The following RPSA2 variants were observed in gnomAD, a reference collection of about 807,000 sequenced individuals.
RPSA2 encodes small ribosomal subunit protein uS2B.
At chr19:23,842,157 A>G in the RPSA2 span, among the ~76,000 whole-genome samples, 27 of 152,278 alleles carry the variant, frequency 1.8e-4, no homozygotes, top group African/African-American at 6.5e-4. Flanking sequence ...TTTTAACAAA[A>G]TCTCCAGGTT....
chr19:23,813,937 G>T, the RPSA2 span, among the ~76,000 whole-genome samples: 2 of 151,776 alleles, frequency 1.3e-5, no homozygotes, highest in African/African-American at 4.8e-5. Context: ...TAGTCAATCT[G>T]GTCTGGAACT....
At chr19:23,770,633 AT>A in the RPSA2 span, among the ~76,000 whole-genome samples, 1 of 152,116 alleles carries the variant, frequency 6.6e-6, no homozygotes, top group African/African-American at 2.4e-5. Flanking sequence ...CACTGGGAAG[AT>A]TGTGACGAAT....
the RPSA2 span, among the ~76,000 whole-genome samples, chr19:23,847,814 C>T: frequency 1.3e-5 from 2 of 152,102 alleles, no homozygotes; most frequent in Non-Finnish European, 2.9e-5. Context: ...GACCTCCCCC[C>T]AGGAATGCAA....
At chr19:23,795,758 A>T in the RPSA2 span, among the ~76,000 whole-genome samples, 1 of 152,222 alleles carries the variant, frequency 6.6e-6, no homozygotes, top group East Asian at 1.9e-4. Flanking sequence ...ATTTTTGAGG[A>T]TGAATGCTTC....
chr19:23,865,731 A>C, the RPSA2 span, among the ~76,000 whole-genome samples: 1 of 152,194 alleles, frequency 6.6e-6, no homozygotes, highest in African/African-American at 2.4e-5. Context: ...TGCTATGGCA[A>C]GGGAACTTTT....
the RPSA2 span, chr19:23,832,506 C>A: frequency 1.7e-6 from 1 of 596,770 alleles, no homozygotes; most frequent in South Asian, 1.7e-5. Context: ...AGCCAAAACT[C>A]AAACCTTACT....
At chr19:23,774,687 C>T in the RPSA2 span, among the ~76,000 whole-genome samples, 1,514 of 152,148 alleles carry the variant, frequency 1.0e-2, 25 homozygotes, top group African/African-American at 0.035. Flanking sequence ...ACCTTCTGGC[C>T]CAGAAATCAG....
chr19:23,800,203 T>A, the RPSA2 span, among the ~76,000 whole-genome samples: 55,181 of 93,550 alleles, frequency 0.59, 10,701 homozygotes, highest in East Asian at 0.68. Flanking sequence ...TTTTTTATTT[T>A]ATTTTATTTT....
chr19:23,861,439 A>AT, the RPSA2 span, among the ~76,000 whole-genome samples: 56 of 151,754 alleles, frequency 3.7e-4, no homozygotes, highest in Admixed American at 1.4e-3. Flanking sequence ...CATGCCCACC[A>AT]TTTTTCACTT....
the RPSA2 span, among the ~76,000 whole-genome samples, chr19:23,855,499 A>G: frequency 2.6e-5 from 4 of 152,208 alleles, no homozygotes; most frequent in Non-Finnish European, 5.9e-5. Flanking sequence ...GCACGACCAG[A>G]TAAGCCCACA....
chr19:23,769,804 C>A, the RPSA2 span, among the ~76,000 whole-genome samples: 1 of 152,190 alleles, frequency 6.6e-6, no homozygotes, highest in Non-Finnish European at 1.5e-5. Context: ...CCTCTCCAGT[C>A]TGGGACCTGC....
At chr19:23,868,391 C>T in the RPSA2 span, among the ~76,000 whole-genome samples, 5 of 152,154 alleles carry the variant, frequency 3.3e-5, no homozygotes, top group African/African-American at 1.2e-4. Context: ...TGACAATAGA[C>T]CTGCTTATAC....
At chr19:23,835,984 A>G in the RPSA2 span, among the ~76,000 whole-genome samples, 1 of 151,958 alleles carries the variant, frequency 6.6e-6, no homozygotes, top group African/African-American at 2.4e-5. Context: ...TGTAATTATA[A>G]GAATATATAT....
chr19:23,831,195 C>T, the RPSA2 span, among the ~76,000 whole-genome samples: 1 of 151,926 alleles, frequency 6.6e-6, no homozygotes, highest in Non-Finnish European at 1.5e-5. Flanking sequence ...GAGACTGAAA[C>T]AAGTGTCAGA....
chr19:23,764,319 C>T, the RPSA2 span, among the ~76,000 whole-genome samples: 1 of 152,282 alleles, frequency 6.6e-6, no homozygotes, highest in South Asian at 2.1e-4. Flanking sequence ...TTCCTACATT[C>T]TCAAATGTAG....
At chr19:23,827,056 C>T in the RPSA2 span, 1 of 701,924 alleles carries the variant, frequency 1.4e-6, no homozygotes. Context: ...TTGCTTTTAC[C>T]TATTTGCTTA....
chr19:23,779,977 T>G, the RPSA2 span, among the ~76,000 whole-genome samples: 3 of 152,172 alleles, frequency 2.0e-5, no homozygotes, highest in African/African-American at 7.2e-5. Context: ...AGCATCCAGG[T>G]GACGTCGCTC....
At chr19:23,812,769 C>T in the RPSA2 span, among the ~76,000 whole-genome samples, 1 of 151,986 alleles carries the variant, frequency 6.6e-6, no homozygotes, top group Admixed American at 6.6e-5. Flanking sequence ...TCATTTTCGT[C>T]ATGTGTTTAA....
At chr19:23,778,450 G>T in the RPSA2 span, among the ~76,000 whole-genome samples, 1 of 152,102 alleles carries the variant, frequency 6.6e-6, no homozygotes, top group Non-Finnish European at 1.5e-5. Context: ...CTGACCTCAG[G>T]TTATCTGCCC....
Sources: gnomAD v4.1 joint callset for allele counts (sites outside exome capture counted in the v4.1 genomes callset) on GRCh38, gnomAD v4.1.1 for gene constraint, MANE v1.5 for transcripts, NCBI Gene and HGNC (gene_info 2026-07-23, HGNC 2026-07-21) for gene names.